Variants in ZNF577 observed in about 807,000 individuals in gnomAD.
The protein encoded by ZNF577 is zinc finger protein 577.
Under a neutral mutation model 13.9 loss-of-function variants are expected in ZNF577, and 14 were observed. The ratio of observed to expected loss-of-function variants is 1.00; its 90% CI spans 0.66 to 1.57. The LOEUF (loss-of-function observed/expected upper bound fraction) is 1.57, where lower values mean the gene tolerates loss of function less well. ZNF577 is among the 40% of genes most tolerant of loss of function. The probability of loss-of-function intolerance (pLI) is 0.00; values close to 1 mark genes in which losing one functional copy is unlikely to be tolerated. For synonymous variants in ZNF577, 203 were observed against 202.9 expected (o/e 1.00, Z 0.00); for missense variants, 555 against 579.2 (o/e 0.96, Z 0.43).
chr19:51,883,584 T>C (rs1269419083), intron 1 of ZNF577, among the ~76,000 whole-genome samples: 1 of 150,882 alleles, frequency 6.6e-6, no homozygotes, highest in African/African-American at 2.5e-5. Context: ...TACTGCAACA[T>C]ATGAAGAGGC....
Position 51,826,428 on chromosome 19 carries a change from C to T in ZNF577, c.*599+13465G>A, listed in dbSNP as rs146109586. ...TGAAGCCAACTGGATCTTGGGTTTG[C>T]TTTTTGGGAAGGCTTTTAAATATAG... On this transcript the variant is annotated intron_variant and NMD_transcript_variant, in intron 9 of 10. Transcript: ENST00000638827. Among the ~76,000 whole-genome samples the T allele has an allele frequency of 5.4e-4, 82 of 152,236 alleles. 1 individual carries two copies. The East Asian group carries it at 0.015, about 29-fold the overall frequency.
In ZNF577 at chr19:51,869,339, A is replaced by G. The variant is rs2084616964; in HGVS notation, c.*3193T>C. 1.3e-5 allele frequency among the ~76,000 whole-genome samples: 2 copies of G among 152,106 alleles called. No homozygotes were observed. Among genetic ancestry groups the G allele is most frequent in the South Asian group, 4.1e-4 (2 of 4,822 alleles). On this transcript the variant is annotated 3_prime_UTR_variant, in exon 6 of 6. Coordinates refer to ENST00000638348, the MANE Select transcript of ZNF577 (RefSeq NM_001370449.1). ...CGATACTGTTCTTTACTGCACTGAG[A>G]TATTTGTGTAAAGTCAAACATAAAT...
intron 5 of ZNF577, among the ~76,000 whole-genome samples, chr19:51,858,858 A>G (rs940640320): frequency 6.6e-6 from 1 of 152,192 alleles, no homozygotes; most frequent in African/African-American, 2.4e-5. Flanking sequence ...AAAAATTCAA[A>G]TATTAACAAT....
At chr19:51,807,152 T>C (rs1314239242) in intron 10 of ZNF577, among the ~76,000 whole-genome samples, 1 of 152,128 alleles carries the variant, frequency 6.6e-6, no homozygotes, top group African/African-American at 2.4e-5. Context: ...TTGCCTCTAG[T>C]GGACAATGGC....
chr19:51,807,432 G>A (rs978128841), intron 10 of ZNF577, among the ~76,000 whole-genome samples: 1 of 152,162 alleles, frequency 6.6e-6, no homozygotes, highest in Admixed American at 6.5e-5. Flanking sequence ...TGATCATATA[G>A]CCTCCAGTGG....
rs573897608 is a variant in ZNF577 at position 51,815,666 on chromosome 19, T to G, written c.*600-3992A>C. Among the ~76,000 whole-genome samples the G allele has an allele frequency of 2.6e-5, 4 of 151,748 alleles. No homozygotes were observed. In the East Asian group the frequency reaches 7.8e-4, roughly 30 times the overall value. On this transcript the variant is annotated intron_variant and NMD_transcript_variant, in intron 9 of 10. Coordinates refer to the ZNF577 transcript ENST00000638827. ...GCAGATCGCTTTAAGCCCAGGAGTT[T>G]GAAACCAGTCTAGGATACATGGCGA... is the stretch of plus-strand genomic sequence containing the variant.
intron 9 of ZNF577, among the ~76,000 whole-genome samples, chr19:51,829,240 G>T (rs749917928): frequency 9.2e-5 from 14 of 152,088 alleles, no homozygotes; most frequent in Non-Finnish European, 1.3e-4. Context: ...ACCGAGGAGG[G>T]AGCTGTAAAG....
exon 11 of ZNF577, chr19:51,805,003 T>C (rs2084048786): frequency 6.6e-6 from 1 of 152,220 alleles, no homozygotes; most frequent in African/African-American, 2.4e-5. Context: ...TTCAAAGAGC[T>C]TGGCGTCAGG....
At chr19:51,822,439 G>T (rs560600630) in intron 9 of ZNF577, among the ~76,000 whole-genome samples, 2 of 152,300 alleles carry the variant, frequency 1.3e-5, no homozygotes, top group African/African-American at 2.4e-5. Context: ...AGTTATTTGT[G>T]GGGGGAGGGG....
chr19:51,824,577 T>C lies in ZNF577; in HGVS notation c.*600-12903A>G. On this transcript the variant is annotated intron_variant and NMD_transcript_variant, in intron 9 of 10. Transcript: ENST00000638827. The surrounding 1 kb of genome is among the most constrained non-coding windows in gnomAD (Gnocchi z 4.7). ...CAAAGAGATGTTGTTAAATGGCAAA[T>C]ACAAAATCATTCTTGTCCTGATTAA... 4 of 1,614,166 alleles carry C rather than the reference T, an allele frequency of 2.5e-6. No individual in the cohort carries two copies. Among genetic ancestry groups the C allele is most frequent in the South Asian group, 1.1e-5 (1 of 91,074 alleles).
At position 51,872,792 on chromosome 19, in the gene ZNF577, T is replaced by C. The variant is rs754646984; in HGVS notation, c.1198A>G (p.Met400Val). Residue 400 changes from methionine to valine, a missense_variant, in exon 6 of 6, where the codon ATG (methionine) becomes GTG (valine). Physicochemically the swap from Met to Val is conservative, Grantham distance 21. Transcript: ENST00000638348. ...TTTTGCTCTTGTATGAGTTCGCTCA[T>C]GTATAAGGAGGTATGACTCCTTGAG... ...PSSRSHTSLY[M>V]SELIQEQKTV... The C allele has an allele frequency of 9.3e-6, 15 of 1,614,102 alleles. No homozygotes were observed. The highest frequency in any genetic ancestry group is 8.3e-5 in the Admixed American group (5 of 60,012).
rs2084609261 is a variant in ZNF577 at position 51,868,898 on chromosome 19, G to T, written c.*3634C>A. On this transcript the variant is annotated 3_prime_UTR_variant, in exon 6 of 6. Coordinates refer to ENST00000638348, the MANE Select transcript of ZNF577 (RefSeq NM_001370449.1). ...TTGACTCAAGGTTTACTAGATTTAG[G>T]GCTGTGCAGGATGTGCTTTGTTAAA... Among the ~76,000 whole-genome samples, 1 of 152,200 alleles carries T rather than the reference G, an allele frequency of 6.6e-6. No individual in the cohort carries two copies. The highest frequency in any genetic ancestry group is 6.5e-5 in the Admixed American group (1 of 15,276).
rs534708663 is a variant in ZNF577 at position 51,883,909 on chromosome 19, C to CA, written c.-219+2911dup. Among the ~76,000 whole-genome samples, 9 of 151,146 alleles carry CA rather than the reference C, an allele frequency of 6.0e-5. No individual in the cohort carries two copies. In the East Asian group the frequency reaches 1.8e-3, roughly 30 times the overall value. On this transcript the variant is annotated intron_variant, in intron 1 of 5. Coordinates refer to ENST00000638348, the MANE Select transcript of ZNF577 (RefSeq NM_001370449.1). The stretch of plus-strand genomic sequence containing the variant: ...CCAACAGGAAGAAACCCCATCTCTA[C>CA]AAAAAAATACAAAAATTAGCCTGGT...
At chr19:51,858,905 A>T (rs62107503) in intron 5 of ZNF577, among the ~76,000 whole-genome samples, 47,592 of 152,096 alleles carry the variant, frequency 0.31, 7,749 homozygotes, top group South Asian at 0.53. Context: ...TAGCACATTC[A>T]CAATATTATG....
chr19:51,864,135 G>C (rs904009284), downstream of ZNF577, among the ~76,000 whole-genome samples: 2 of 152,070 alleles, frequency 1.3e-5, no homozygotes, highest in Non-Finnish European at 2.9e-5. Context: ...TAAATATTAT[G>C]GCATGAATAT....
At chr19:51,884,946 T>C (rs1190968848) in intron 1 of ZNF577, among the ~76,000 whole-genome samples, 1 of 152,250 alleles carries the variant, frequency 6.6e-6, no homozygotes, top group African/African-American at 2.4e-5. Context: ...ATAAATCATT[T>C]TGATATTGAT....
chr19:51,823,862 C>A, intron 9 of ZNF577: 1 of 1,614,038 alleles, frequency 6.2e-7, no homozygotes, highest in Non-Finnish European at 8.5e-7. Flanking sequence ...TCACCTTTGT[C>A]TTCGGGGTCC....
chr19:51,852,923 G>GTT (rs1568440670), intron 5 of ZNF577, among the ~76,000 whole-genome samples: 2 of 137,572 alleles, frequency 1.5e-5, no homozygotes, highest in Non-Finnish European at 3.0e-5. Flanking sequence ...TTAAAAGACA[G>GTT]TTTTCTTTTC....
intron 5 of ZNF577, among the ~76,000 whole-genome samples, chr19:51,857,264 A>G (rs1031566766): frequency 1.3e-5 from 2 of 151,810 alleles, no homozygotes; most frequent in African/African-American, 4.8e-5. Flanking sequence ...GTGCCACCGC[A>G]TTTCAGCCTG....
Sources: gnomAD v4.1 joint callset for allele counts (sites outside exome capture counted in the v4.1 genomes callset) on GRCh38, gnomAD v4.1.1 for gene constraint, Gnocchi (gnomAD v3.1) non-coding constraint, MANE v1.5 for transcripts, NCBI Gene and HGNC (gene_info 2026-07-23, HGNC 2026-07-21) for gene names.